Variants in GRM7 observed in about 807,000 individuals in gnomAD.
GRM7 encodes the protein glutamate metabotropic receptor 7, also known as metabotropic glutamate receptor 7.
GRM7 carries 35 observed loss-of-function variants against 84.5 expected under a neutral mutation model. That is an observed-to-expected ratio of 0.41 (90% CI 0.32 to 0.55). GRM7 has a LOEUF of 0.55. GRM7 is among the 20% of genes least tolerant of loss of function. The probability of loss-of-function intolerance (pLI) is 0.19; values close to 1 mark genes in which losing one functional copy is unlikely to be tolerated. For synonymous variants in GRM7, 487 were observed against 455.1 expected (o/e 1.07, Z -0.89); for missense variants, 1,003 against 1,194.6 (o/e 0.84, Z 2.36).
chr3:7,048,753 C>T (rs140545609), intron 1 of GRM7, among the ~76,000 whole-genome samples: 1 of 152,038 alleles, frequency 6.6e-6, no homozygotes, highest in Non-Finnish European at 1.5e-5. Context: ...TAAAGTCTGT[C>T]TTGGCAATTT....
intron 7 of GRM7, among the ~76,000 whole-genome samples, chr3:7,499,531 G>A (rs1699815759): frequency 1.3e-5 from 2 of 152,070 alleles, no homozygotes; most frequent in South Asian, 2.1e-4. Flanking sequence ...TTACTTTCTG[G>A]TAGGCTCTAT....
Position 6,926,238 on chromosome 3 carries a change from A to T in GRM7, c.519+64331A>T, listed in dbSNP as rs575251675. ...TCATTAGCTAAAGACAAGCCCTTTCAGATTCTTTCATATCCATTGATCTAT... is the reference window on the plus strand; with the variant it reads ...TCATTAGCTAAAGACAAGCCCTTTCTGATTCTTTCATATCCATTGATCTAT... On this transcript the variant is annotated intron_variant, in intron 1 of 9. Coordinates refer to ENST00000357716, the MANE Select transcript of GRM7 (RefSeq NM_000844.4). Among the ~76,000 whole-genome samples, 7 of 152,356 alleles carry T rather than the reference A, an allele frequency of 4.6e-5. No homozygotes were observed. In the East Asian group the frequency reaches 5.8e-4, roughly 13 times the overall value.
At chr3:7,609,863 A>G (rs1032300259) in intron 8 of GRM7, among the ~76,000 whole-genome samples, 8 of 152,152 alleles carry the variant, frequency 5.3e-5, no homozygotes, top group Admixed American at 1.3e-4. Flanking sequence ...GAAAAATAAA[A>G]CAAGTGACAC....
chr3:7,070,044 G>C (rs1574860657), intron 1 of GRM7, among the ~76,000 whole-genome samples: 1 of 152,190 alleles, frequency 6.6e-6, no homozygotes, highest in South Asian at 2.1e-4. Context: ...GGTGGAGGAA[G>C]AGAATTCATC....
intron 7 of GRM7, among the ~76,000 whole-genome samples, chr3:7,487,235 G>C (rs1485085690): frequency 6.6e-6 from 1 of 152,136 alleles, no homozygotes; most frequent in Non-Finnish European, 1.5e-5. Context: ...GAGCAAAAGA[G>C]TAATTTAAAG....
intron 7 of GRM7, among the ~76,000 whole-genome samples, chr3:7,500,759 A>C (rs1236230573): frequency 2.0e-5 from 3 of 152,224 alleles, no homozygotes; most frequent in African/African-American, 4.8e-5. Flanking sequence ...ACCTTTATCA[A>C]GCATGACTAG....
At chr3:7,555,338 C>A (rs1246736482) in intron 7 of GRM7, among the ~76,000 whole-genome samples, 3 of 152,112 alleles carry the variant, frequency 2.0e-5, no homozygotes, top group African/African-American at 7.2e-5. Context: ...CCCCACAAGC[C>A]ATCTCAATGT....
At chr3:7,240,558 A>G (rs1342283587) in intron 2 of GRM7, among the ~76,000 whole-genome samples, 9 of 152,208 alleles carry the variant, frequency 5.9e-5, no homozygotes, top group Non-Finnish European at 1.3e-4. Context: ...CTAACTTGTT[A>G]GAAGAGGCAT....
chr3:7,689,800 G>A (rs1700729536), intron 9 of GRM7, among the ~76,000 whole-genome samples: 1 of 152,082 alleles, frequency 6.6e-6, no homozygotes, highest in African/African-American at 2.4e-5. Context: ...CTTAAATTGG[G>A]TCAATCAAAG....
intron 8 of GRM7, among the ~76,000 whole-genome samples, chr3:7,616,505 C>T (rs1011068183): frequency 6.6e-6 from 1 of 152,130 alleles, no homozygotes; most frequent in Non-Finnish European, 1.5e-5. Context: ...AGCTAATTTC[C>T]TCATTGTCTA....
At chr3:7,394,062 G>C (rs114548510) in intron 4 of GRM7, among the ~76,000 whole-genome samples, 1 of 151,810 alleles carries the variant, frequency 6.6e-6, no homozygotes, top group Admixed American at 6.6e-5. Flanking sequence ...ATCATTCTTC[G>C]CATCTTAGAG....
intron 7 of GRM7, among the ~76,000 whole-genome samples, chr3:7,542,214 A>G (rs1423512941): frequency 6.6e-6 from 1 of 152,182 alleles, no homozygotes; most frequent in Non-Finnish European, 1.5e-5. Context: ...GTCTTTTTGC[A>G]GGACACAATT....
chr3:7,162,863 G>A (rs569886510), intron 2 of GRM7, among the ~76,000 whole-genome samples: 5 of 144,166 alleles, frequency 3.5e-5, no homozygotes, highest in East Asian at 2.1e-4. Context: ...GGGTTCAAGC[G>A]ATTCTCCTAC....
chr3:7,048,356 T>C (rs1696874384), intron 1 of GRM7, among the ~76,000 whole-genome samples: 1 of 152,014 alleles, frequency 6.6e-6, no homozygotes, highest in South Asian at 2.1e-4. Flanking sequence ...TAATACAATG[T>C]ACACAAACAA....
chr3:7,257,771 T>A (rs541442086), intron 2 of GRM7, among the ~76,000 whole-genome samples: 28 of 152,346 alleles, frequency 1.8e-4, no homozygotes, highest in African/African-American at 6.5e-4. Context: ...ATCTTCCAGT[T>A]TATACATGAT....
chr3:7,136,064 C>G (rs1161313810), intron 1 of GRM7, among the ~76,000 whole-genome samples: 1 of 152,034 alleles, frequency 6.6e-6, no homozygotes, highest in Non-Finnish European at 1.5e-5. Flanking sequence ...TAAAATTAAA[C>G]TTGACTCAAT....
intron 4 of GRM7, among the ~76,000 whole-genome samples, chr3:7,380,740 C>T (rs1472274911): frequency 6.6e-6 from 1 of 152,152 alleles, no homozygotes; most frequent in African/African-American, 2.4e-5. Context: ...AAAGTTAAAA[C>T]TCAAGGAATG....
intron 4 of GRM7, among the ~76,000 whole-genome samples, chr3:7,398,334 A>T (rs146384067): frequency 1.3e-5 from 2 of 152,276 alleles, no homozygotes; most frequent in African/African-American, 4.8e-5. Context: ...TAATTTATGG[A>T]AGTTATAGAG....
intron 7 of GRM7, among the ~76,000 whole-genome samples, chr3:7,534,224 G>T (rs1701155802): frequency 6.6e-6 from 1 of 152,094 alleles, no homozygotes; most frequent in South Asian, 2.1e-4. Flanking sequence ...ATATTGGCCA[G>T]GCTGGTCTTG....
Sources: gnomAD v4.1 joint callset for allele counts (sites outside exome capture counted in the v4.1 genomes callset) on GRCh38, gnomAD v4.1.1 for gene constraint, MANE v1.5 for transcripts, NCBI Gene and HGNC (gene_info 2026-07-23, HGNC 2026-07-21) for gene names.